PTPRO: variants seen among roughly 807,000 people sequenced by gnomAD.
PTPRO encodes the protein receptor-type tyrosine-protein phosphatase O.
Under a neutral mutation model 145.2 loss-of-function variants are expected in PTPRO, and 62 were observed. The ratio of observed to expected loss-of-function variants is 0.43; its 90% CI spans 0.35 to 0.53. PTPRO has a LOEUF of 0.53. Among genes scored for constraint, PTPRO ranks in the 20% least tolerant of loss-of-function variants. PTPRO has a pLI of 0.01. For missense variants in PTPRO, 1,345 were observed against 1,482.7 expected (o/e 0.91, Z 1.53); for synonymous variants, 565 against 514.7 (o/e 1.10, Z -1.32).
At chr12:15,423,018 G>A (rs1349328531) in intron 1 of PTPRO, among the ~76,000 whole-genome samples, 2 of 152,118 alleles carry the variant, frequency 1.3e-5, no homozygotes, top group African/African-American at 2.4e-5. Context: ...GAATTTATGT[G>A]TTTGTTTAAC....
chr12:15,482,061 G>T (rs1009546161), intron 1 of PTPRO, among the ~76,000 whole-genome samples: 3 of 152,022 alleles, frequency 2.0e-5, no homozygotes, highest in Non-Finnish European at 2.9e-5. Context: ...GCACTCCCAT[G>T]TCTATTGCAG....
At chr12:15,510,783 C>T (rs908105539) in intron 7 of PTPRO, among the ~76,000 whole-genome samples, 2 of 151,968 alleles carry the variant, frequency 1.3e-5, no homozygotes, top group Admixed American at 1.3e-4. Flanking sequence ...TAGAAAAGCA[C>T]CAATGGAAAG....
At chr12:15,462,543 CTT>C (rs1941328860) in intron 1 of PTPRO, among the ~76,000 whole-genome samples, 1 of 152,148 alleles carries the variant, frequency 6.6e-6, no homozygotes, top group African/African-American at 2.4e-5. Context: ...TTATTTGTAA[CTT>C]ATCTCTGTGA....
intron 1 of PTPRO, among the ~76,000 whole-genome samples, chr12:15,421,620 A>C (rs529161421): frequency 6.6e-6 from 1 of 152,330 alleles, no homozygotes; most frequent in South Asian, 2.1e-4. Context: ...AGAAGAAGAA[A>C]GCAAAAATAA....
intron 14 of PTPRO, 101 bp downstream of exon 14, chr12:15,549,327 G>A (rs947064304): frequency 2.1e-6 from 2 of 975,324 alleles, no homozygotes; most frequent in Admixed American, 3.8e-5. Flanking sequence ...AAGCTTCGGA[G>A]TCAGAGAGTC....
intron 10 of PTPRO, 108 bp downstream of exon 10, chr12:15,520,420 A>AAT: frequency 7.7e-6 from 6 of 775,212 alleles, no homozygotes; most frequent in Non-Finnish European, 1.4e-5. Flanking sequence ...GCACTGGGTG[A>AAT]GCATCAATTT....
chr12:15,346,274 A>C (rs1227901794), intron 1 of PTPRO, among the ~76,000 whole-genome samples: 3 of 152,190 alleles, frequency 2.0e-5, no homozygotes, highest in Non-Finnish European at 2.9e-5. Context: ...GTAAGAACAA[A>C]CCATGTCATA....
chr12:15,402,165 G>A (rs991704798), intron 1 of PTPRO, among the ~76,000 whole-genome samples: 3 of 152,076 alleles, frequency 2.0e-5, no homozygotes, highest in South Asian at 2.1e-4. Flanking sequence ...TGAGGCAGGC[G>A]GATCATGAGG....
rs75875906 is a variant in PTPRO at position 15,409,714 on chromosome 12, C to T, written c.76-74260C>T. On this transcript the variant is annotated intron_variant, in intron 1 of 26. Transcript: ENST00000281171. ...AAGCAGAAGCTTACATGTCACTTGGCGAGAGCAGGTGCAAGTGAGTGCAAG... is the reference window on the plus strand; with the variant it reads ...AAGCAGAAGCTTACATGTCACTTGGTGAGAGCAGGTGCAAGTGAGTGCAAG... Among the ~76,000 whole-genome samples the T allele has an allele frequency of 4.6e-4, 67 of 145,906 alleles. 1 individual carries two copies. The East Asian group carries it at 0.01, about 22-fold the overall frequency.
At chr12:15,371,893 G>A (rs865844296) in intron 1 of PTPRO, among the ~76,000 whole-genome samples, 2 of 152,166 alleles carry the variant, frequency 1.3e-5, no homozygotes, top group Non-Finnish European at 2.9e-5. Flanking sequence ...TGTGAAGAAG[G>A]TGCCTTATTT....
At chr12:15,583,056 G>A (rs1031357099) in intron 23 of PTPRO, among the ~76,000 whole-genome samples, 7 of 152,218 alleles carry the variant, frequency 4.6e-5, no homozygotes, top group African/African-American at 1.7e-4. Context: ...TCACTGAGAT[G>A]TTCTTCCCTG....
chr12:15,484,913 A>G (rs1489131064), intron 2 of PTPRO, among the ~76,000 whole-genome samples: 1 of 152,068 alleles, frequency 6.6e-6, no homozygotes, highest in African/African-American at 2.4e-5. Context: ...ATCTAATCTC[A>G]AATTAAGATG....
intron 1 of PTPRO, among the ~76,000 whole-genome samples, chr12:15,479,441 A>C (rs1037575982): frequency 2.0e-5 from 3 of 152,124 alleles, no homozygotes; most frequent in African/African-American, 7.2e-5. Flanking sequence ...CCATGTGAAC[A>C]ATGACTTTTT....
At chr12:15,346,135 T>A (rs1301594589) in intron 1 of PTPRO, among the ~76,000 whole-genome samples, 1 of 152,194 alleles carries the variant, frequency 6.6e-6, no homozygotes, top group East Asian at 1.9e-4. Flanking sequence ...CTTTACTGTG[T>A]CTGTATTCTC....
chr12:15,497,570 G>A (rs1942133442), intron 3 of PTPRO, among the ~76,000 whole-genome samples, 167 bp downstream of exon 3: 2 of 152,194 alleles, frequency 1.3e-5, no homozygotes, highest in South Asian at 2.1e-4. Flanking sequence ...TTATGAGGAA[G>A]CCTAGAACAT....
At chr12:15,395,518 A>G (rs1939311897) in intron 1 of PTPRO, among the ~76,000 whole-genome samples, 1 of 152,116 alleles carries the variant, frequency 6.6e-6, no homozygotes, top group Non-Finnish European at 1.5e-5. Flanking sequence ...TTAATGATAA[A>G]AAAAAAATCT....
At chr12:15,487,228 T>C (rs937229782) in intron 2 of PTPRO, among the ~76,000 whole-genome samples, 4 of 152,078 alleles carry the variant, frequency 2.6e-5, no homozygotes, top group Non-Finnish European at 2.9e-5. Context: ...TTGACATTTT[T>C]ACCCCTCAAA....
At chr12:15,429,107 G>C (rs1361480570) in intron 1 of PTPRO, among the ~76,000 whole-genome samples, 1 of 152,112 alleles carries the variant, frequency 6.6e-6, no homozygotes, top group African/African-American at 2.4e-5. Context: ...AAGAGTATTT[G>C]CCACACCGTT....
chr12:15,484,322 A>G, intron 2 of PTPRO, 75 bp downstream of exon 2: 1 of 1,560,190 alleles, frequency 6.4e-7, no homozygotes, highest in Non-Finnish European at 8.8e-7. Flanking sequence ...TCGAATTGAC[A>G]GACTCCACCC....
Sources: allele counts gnomAD v4.1 joint callset (sites outside exome capture counted in the v4.1 genomes callset), GRCh38; gene constraint gnomAD v4.1.1; transcripts MANE v1.5; gene names NCBI Gene and HGNC (gene_info 2026-07-23, HGNC 2026-07-21).